EXT1: variants seen among roughly 807,000 people sequenced by gnomAD.
The protein encoded by EXT1 is exostosin glycosyltransferase 1.
Under a neutral mutation model 82.5 loss-of-function variants are expected in EXT1, and 20 were observed. The observed-to-expected ratio is 0.24, with a 90% confidence interval of 0.17 to 0.35. The LOEUF is 0.35. Among genes scored for constraint, EXT1 ranks in the 10% least tolerant of loss-of-function variants. The pLI, the probability that EXT1 is intolerant of heterozygous loss-of-function variation, is 1.00. For missense variants in EXT1, 757 were observed against 936.5 expected (o/e 0.81, Z 2.50); for synonymous variants, 348 against 350.8 (o/e 0.99, Z 0.09).
chr8:117,921,586 G>A (rs1237318611), intron 1 of EXT1, among the ~76,000 whole-genome samples: 1 of 152,160 alleles, frequency 6.6e-6, no homozygotes, highest in Non-Finnish European at 1.5e-5. Flanking sequence ...AGAGGGAAAG[G>A]GGCTGAGTAA....
chr8:118,053,850 T>C (rs1816755620), intron 1 of EXT1, among the ~76,000 whole-genome samples: 1 of 152,224 alleles, frequency 6.6e-6, no homozygotes, highest in South Asian at 2.1e-4. Context: ...TCTATTATTT[T>C]AAATGAACTC....
At chr8:117,934,967 A>T (rs967132394) in intron 1 of EXT1, among the ~76,000 whole-genome samples, 31 of 152,238 alleles carry the variant, frequency 2.0e-4, no homozygotes, top group Admixed American at 1.8e-3. Flanking sequence ...GGAACTTAGC[A>T]GAACACAGCT....
At chr8:117,938,981 G>A (rs558630626) in intron 1 of EXT1, among the ~76,000 whole-genome samples, 40 of 152,208 alleles carry the variant, frequency 2.6e-4, no homozygotes, top group African/African-American at 9.1e-4. Context: ...AGGCAGTCAC[G>A]GCCATTTGCC....
intron 1 of EXT1, among the ~76,000 whole-genome samples, chr8:117,930,106 A>G (rs1202649570): frequency 6.6e-6 from 1 of 151,864 alleles, no homozygotes; most frequent in Non-Finnish European, 1.5e-5. Flanking sequence ...TCCATCTCAA[A>G]AAAAAAAAAA....
At chr8:117,873,078 C>A (rs1812902098) in intron 1 of EXT1, among the ~76,000 whole-genome samples, 1 of 152,164 alleles carries the variant, frequency 6.6e-6, no homozygotes, top group African/African-American at 2.4e-5. Flanking sequence ...GGGTGGAAAT[C>A]TTTTTTATAA....
intron 1 of EXT1, among the ~76,000 whole-genome samples, chr8:118,105,433 C>T (rs1231576325): frequency 6.6e-6 from 1 of 152,216 alleles, no homozygotes; most frequent in East Asian, 1.9e-4. Context: ...ACTGGAAACC[C>T]TCATTTGCTA....
At chr8:118,066,375 T>TATTTATTA (rs934565291) in intron 1 of EXT1, among the ~76,000 whole-genome samples, 7 of 149,210 alleles carry the variant, frequency 4.7e-5, no homozygotes, top group Admixed American at 1.3e-4. Flanking sequence ...TTTATTTATT[T>TATTTATTA]ATTAGACAGA....
chr8:118,061,567 A>T (rs1816881798), intron 1 of EXT1, among the ~76,000 whole-genome samples: 1 of 152,238 alleles, frequency 6.6e-6, no homozygotes, highest in Non-Finnish European at 1.5e-5. Flanking sequence ...ATGTCCAAAC[A>T]TAAAAAGGTA....
chr8:117,936,889 TAAAC>T (rs1056329548), intron 1 of EXT1, among the ~76,000 whole-genome samples: 2 of 151,834 alleles, frequency 1.3e-5, no homozygotes, highest in African/African-American at 2.4e-5. Context: ...AATAAATAAA[TAAAC>T]AAACAAACAA....
At chr8:118,070,226 CTG>C (rs36229782) in intron 1 of EXT1, among the ~76,000 whole-genome samples, 19,797 of 133,076 alleles carry the variant, frequency 0.15, 1,260 homozygotes, top group Non-Finnish European at 0.17. Flanking sequence ...TCATAAATTT[CTG>C]TGTGTGTGTG....
At chr8:117,924,166 C>T (rs1486736513) in intron 1 of EXT1, among the ~76,000 whole-genome samples, 2 of 152,150 alleles carry the variant, frequency 1.3e-5, no homozygotes, top group Admixed American at 1.3e-4. Flanking sequence ...CTAAAACTGC[C>T]TGATTTGGGA....
At chr8:118,086,751 C>G (rs1409124084) in intron 1 of EXT1, among the ~76,000 whole-genome samples, 3 of 152,034 alleles carry the variant, frequency 2.0e-5, no homozygotes, top group African/African-American at 7.2e-5. Context: ...GGTTAGAAAT[C>G]TAAAATTAGA....
intron 1 of EXT1, among the ~76,000 whole-genome samples, chr8:118,096,723 A>G (rs1285367292): frequency 6.6e-6 from 1 of 151,876 alleles, no homozygotes; most frequent in Non-Finnish European, 1.5e-5. Flanking sequence ...AAGGAAAGGA[A>G]GGAAGAAAGG....
intron 3 of EXT1, 104 bp from the exon 4 acceptor site, chr8:117,830,453 G>T: frequency 7.6e-7 from 1 of 1,319,144 alleles, no homozygotes; most frequent in Non-Finnish European, 1.1e-6. Flanking sequence ...CATAGCATTT[G>T]GCTTCTAGCA....
intron 1 of EXT1, among the ~76,000 whole-genome samples, chr8:117,840,298 G>A (rs111363537): frequency 0.022 from 3,297 of 152,082 alleles, 128 homozygotes; most frequent in African/African-American, 0.074. Flanking sequence ...GTCCCATCAA[G>A]AAAGTGAAAA....
At chr8:117,833,097 G>C (rs1239769411) in intron 3 of EXT1, among the ~76,000 whole-genome samples, 1 of 152,158 alleles carries the variant, frequency 6.6e-6, no homozygotes, top group Non-Finnish European at 1.5e-5. Flanking sequence ...ACATTTCCCA[G>C]AGCAGACATT....
intron 1 of EXT1, among the ~76,000 whole-genome samples, chr8:117,925,244 G>T (rs985447366): frequency 7.2e-5 from 11 of 151,986 alleles, no homozygotes; most frequent in Admixed American, 2.0e-4. Context: ...AAGGCTCTAA[G>T]ATCTGTGACA....
intron 1 of EXT1, among the ~76,000 whole-genome samples, chr8:118,032,611 G>A (rs1407903610): frequency 6.6e-6 from 1 of 151,048 alleles, no homozygotes; most frequent in Non-Finnish European, 1.5e-5. Context: ...CCCAGGTTCA[G>A]GCAATTCATC....
rs567798632 is a variant in EXT1 at position 117,971,038 on chromosome 8, G to GGCACT, written c.963-133842_963-133838dup. 1.0e-3 allele frequency among the ~76,000 whole-genome samples: 159 copies of GGCACT among 152,230 alleles called. 1 individual carries two copies. Among genetic ancestry groups the GGCACT allele is most frequent in the Non-Finnish European group, 1.4e-3 (98 of 68,024 alleles). ...TTCTCCTGGCCCCATTCCCTTCAGG[G>GGCACT]GCACTGCACTGCATGGAGCTGGCCT... On this transcript the variant is annotated intron_variant, in intron 1 of 10. Coordinates refer to ENST00000378204, the MANE Select transcript of EXT1 (RefSeq NM_000127.3).
Sources: allele counts gnomAD v4.1 joint callset (sites outside exome capture counted in the v4.1 genomes callset), GRCh38; gene constraint gnomAD v4.1.1; transcripts MANE v1.5; gene names NCBI Gene and HGNC (gene_info 2026-07-23, HGNC 2026-07-21).